Variants in SBF2 observed in about 807,000 individuals in gnomAD.
The protein encoded by SBF2 is myotubularin-related protein 13.
A neutral mutation model predicts 225.2 loss-of-function variants in SBF2; 112 were observed. The observed-to-expected ratio is 0.50, with a 90% CI of 0.43 to 0.58. The LOEUF is 0.58. SBF2 is among the 20% of genes least tolerant of loss of function. The probability of loss-of-function intolerance (pLI) is 0.00; values close to 1 mark genes in which losing one functional copy is unlikely to be tolerated. For synonymous variants in SBF2, 763 were observed against 773.3 expected (o/e 0.99, Z 0.22); for missense variants, 1,996 against 2,206.2 (o/e 0.90, Z 1.91).
At chr11:10,182,936 C>G (rs1408851194) in intron 2 of SBF2, among the ~76,000 whole-genome samples, 2 of 152,110 alleles carry the variant, frequency 1.3e-5, no homozygotes, top group East Asian at 3.9e-4. Flanking sequence ...CCACGCCCAG[C>G]TAATTTTTGT....
chr11:9,925,329 G>A (rs1431840086), intron 16 of SBF2, among the ~76,000 whole-genome samples: 2 of 152,022 alleles, frequency 1.3e-5, no homozygotes, highest in Non-Finnish European at 2.9e-5. Context: ...CTCTTGGAGT[G>A]CAATGGTGCG....
At chr11:9,981,043 A>C (rs76322582) in intron 13 of SBF2, among the ~76,000 whole-genome samples, 5,590 of 152,352 alleles carry the variant, frequency 0.037, 148 homozygotes, top group Middle Eastern at 0.12. Flanking sequence ...GAATAACATA[A>C]AGAAACAAAT....
intron 1 of SBF2, among the ~76,000 whole-genome samples, chr11:10,199,303 T>C (rs1957492050): frequency 6.6e-6 from 1 of 152,166 alleles, no homozygotes; most frequent in Non-Finnish European, 1.5e-5. Flanking sequence ...CCACCTTTCA[T>C]GGGTGTAGTC....
intron 17 of SBF2, among the ~76,000 whole-genome samples, chr11:9,877,587 T>C (rs4910070): frequency 0.52 from 78,621 of 151,646 alleles, 20,758 homozygotes; most frequent in African/African-American, 0.59. Context: ...TGACGTTCCC[T>C]GCCCTGTGTC....
intron 2 of SBF2, among the ~76,000 whole-genome samples, chr11:10,055,487 A>C (rs1478036747): frequency 6.6e-6 from 1 of 151,338 alleles, no homozygotes; most frequent in Non-Finnish European, 1.5e-5. Flanking sequence ...GAATCAACTT[A>C]AGTGCCCACC....
rs1360901210 is a variant in SBF2 at position 9,808,055 on chromosome 11, C to T, written c.4388G>A (p.Cys1463Tyr). The change falls in exon 32 of 40, where the codon TGT (cysteine) becomes TAT (tyrosine). Residue 1463 changes from cysteine to tyrosine, a missense_variant. Cys to Tyr is a radical substitution (Grantham distance 194). Transcript: ENST00000256190. ...FSQRSSLTLNCQGSGFAPVFL... is the reference protein window; with the variant it reads ...FSQRSSLTLNYQGSGFAPVFL... Reference sequence around the variant, plus strand: ...GACTGGAGCAAAACCACTCCCCTGACAGTTGAGGGTCAAGCTGCTCCTCTG... The same window carrying T: ...GACTGGAGCAAAACCACTCCCCTGATAGTTGAGGGTCAAGCTGCTCCTCTG... 1.9e-6 allele frequency: 3 copies of T among 1,614,190 alleles called. No individual in the cohort carries two copies. Among genetic ancestry groups the T allele is most frequent in the Admixed American group, 3.3e-5 (2 of 60,022 alleles).
chr11:10,132,053 T>C (rs1477341035), intron 2 of SBF2, among the ~76,000 whole-genome samples: 1 of 152,130 alleles, frequency 6.6e-6, no homozygotes, highest in African/African-American at 2.4e-5. Context: ...GTCAAGATTA[T>C]TTTTTTGGTC....
intron 2 of SBF2, among the ~76,000 whole-genome samples, chr11:10,121,823 T>A (rs534056757): frequency 6.6e-6 from 1 of 152,220 alleles, no homozygotes; most frequent in Non-Finnish European, 1.5e-5. Context: ...CCATTCTGCA[T>A]AGTGTGATGA....
chr11:10,063,608 C>T (rs1032608001), intron 2 of SBF2, among the ~76,000 whole-genome samples: 8 of 151,608 alleles, frequency 5.3e-5, no homozygotes, highest in Admixed American at 2.0e-4. Flanking sequence ...CTGCCTGAGT[C>T]GGCCTCCCAA....
At chr11:9,791,949 T>C (rs996987040) in intron 33 of SBF2, among the ~76,000 whole-genome samples, 1 of 152,230 alleles carries the variant, frequency 6.6e-6, no homozygotes, top group African/African-American at 2.4e-5. Context: ...TTTCTTACAG[T>C]ATCCATATGG....
intron 2 of SBF2, among the ~76,000 whole-genome samples, chr11:10,116,174 G>T (rs938418355): frequency 2.0e-5 from 3 of 151,584 alleles, no homozygotes; most frequent in African/African-American, 7.3e-5. Flanking sequence ...CTCTCAAAAA[G>T]AAAAAAAGGA....
At chr11:10,107,003 T>C (rs1243049865) in intron 2 of SBF2, among the ~76,000 whole-genome samples, 1 of 152,210 alleles carries the variant, frequency 6.6e-6, no homozygotes, top group East Asian at 1.9e-4. Context: ...ATTAAACCAA[T>C]TGTCCCTTCC....
chr11:9,832,083 A>G, intron 27 of SBF2, 141 bp downstream of exon 27: 1 of 724,842 alleles, frequency 1.4e-6, no homozygotes, highest in Non-Finnish European at 2.5e-6. Flanking sequence ...TAAGCTGTAC[A>G]TGTTGCATGT....
intron 1 of SBF2, among the ~76,000 whole-genome samples, chr11:10,222,937 TTA>T (rs916430547): frequency 6.6e-6 from 1 of 151,582 alleles, no homozygotes. Context: ...TTCAATAACC[TTA>T]TATATATATA....
chr11:9,904,293 G>A (rs1415648539), intron 16 of SBF2, among the ~76,000 whole-genome samples: 5 of 152,074 alleles, frequency 3.3e-5, no homozygotes, highest in Non-Finnish European at 7.4e-5. Flanking sequence ...AGAAGTTGGG[G>A]TAGCTATATT....
chr11:9,994,033 T>A (rs2134476073), intron 9 of SBF2, 35 bp from the exon 10 acceptor site: 1 of 1,153,766 alleles, frequency 8.7e-7, no homozygotes, highest in Non-Finnish European at 1.3e-6. Context: ...TAAAATATCA[T>A]AATATCAATG....
intron 2 of SBF2, among the ~76,000 whole-genome samples, chr11:10,097,602 G>A (rs1046551699): frequency 4.6e-5 from 7 of 152,130 alleles, no homozygotes; most frequent in African/African-American, 4.8e-5. Flanking sequence ...TTCAGCCATC[G>A]TCTTCCTGCA....
chr11:9,937,299 G>C (rs899128827), intron 16 of SBF2, among the ~76,000 whole-genome samples: 2 of 152,068 alleles, frequency 1.3e-5, no homozygotes, highest in African/African-American at 2.4e-5. Context: ...ATAAAGTTTT[G>C]TGGGAAGCAT....
At chr11:9,963,172 T>C (rs1866686606) in intron 15 of SBF2, among the ~76,000 whole-genome samples, 1 of 152,188 alleles carries the variant, frequency 6.6e-6, no homozygotes, top group South Asian at 2.1e-4. Flanking sequence ...TATATTAAAA[T>C]GTTAAGTTTT....
Sources: allele counts gnomAD v4.1 joint callset (sites outside exome capture counted in the v4.1 genomes callset), GRCh38; gene constraint gnomAD v4.1.1; transcripts MANE v1.5; gene names NCBI Gene and HGNC (gene_info 2026-07-23, HGNC 2026-07-21).